The following TMEM67 variants were observed in gnomAD, a reference collection of about 807,000 sequenced individuals.
The protein encoded by TMEM67 is transmembrane protein 67, also known as meckelin.
Under a neutral mutation model 136.6 loss-of-function variants are expected in TMEM67, and 124 were observed. That is an observed-to-expected ratio of 0.91 (90% CI 0.78 to 1.05). TMEM67 has a LOEUF of 1.05. Ranked by LOEUF, TMEM67 falls within the 50% of genes least tolerant of loss-of-function variation. The probability of loss-of-function intolerance (pLI) is 0.00; values close to 1 mark genes in which losing one functional copy is unlikely to be tolerated. For missense variants in TMEM67, 1,107 were observed against 1,178.4 expected, an observed-to-expected ratio of 0.94 and a Z score of 0.89; for synonymous variants, 364 against 390.5, an observed-to-expected ratio of 0.93 and a Z score of 0.80.
In TMEM67 at chr8:93,809,765, GCTGT is replaced by G; in HGVS notation, c.2662-17_2662-14del. ...ATTTCACTACTGTTTGTGAAATGAT[GCTGT>G]CTTTTTCTTTATTAGGTTCATAAGG... On this transcript the variant is annotated splice_polypyrimidine_tract_variant and intron_variant, in intron 25 of 27. Coordinates refer to ENST00000453321, the MANE Select transcript of TMEM67 (RefSeq NM_153704.6). The G allele has an allele frequency of 1.5e-6, 2 of 1,350,260 alleles. No homozygotes were observed. Among genetic ancestry groups the G allele is most frequent in the South Asian group, 1.2e-5 (1 of 84,838 alleles). The allele number at this position is 1,350,260 out of a possible 1,614,324, so 83.6% of individuals were successfully genotyped here.
chr8:93,799,791 G>T, intron 21 of TMEM67, 33 bp downstream of exon 21: 1 of 1,568,348 alleles, frequency 6.4e-7, no homozygotes. Flanking sequence ...TTACTTCTAA[G>T]TAACATTGCT....
At chr8:93,805,118 G>T (rs1015944139) in intron 23 of TMEM67, among the ~76,000 whole-genome samples, 1 of 152,020 alleles carries the variant, frequency 6.6e-6, no homozygotes, top group Non-Finnish European at 1.5e-5. Flanking sequence ...GACTGCAGGC[G>T]CCTGCCACTA....
At chr8:93,810,029 C>A in intron 26 of TMEM67, 142 bp downstream of exon 26, 30 of 532,628 alleles carry the variant, frequency 5.6e-5, no homozygotes, top group Non-Finnish European at 8.6e-5. Flanking sequence ...AGTGCAGTGG[C>A]ACGATCTCAG....
chr8:93,801,351 C>CA (rs1814861058), intron 21 of TMEM67, among the ~76,000 whole-genome samples: 1 of 152,046 alleles, frequency 6.6e-6, no homozygotes, highest in Non-Finnish European at 1.5e-5. Flanking sequence ...CCTCCTGCCT[C>CA]AGCCTCCTGA....
chr8:93,767,683 A>G (rs1013626194), intron 6 of TMEM67, among the ~76,000 whole-genome samples: 13 of 146,458 alleles, frequency 8.9e-5, no homozygotes, highest in Non-Finnish European at 1.8e-4. Flanking sequence ...AAATTGTCCT[A>G]TATCTGGCCA....
At chr8:93,810,487 G>A (rs921621587) in intron 26 of TMEM67, among the ~76,000 whole-genome samples, 4 of 152,016 alleles carry the variant, frequency 2.6e-5, no homozygotes, top group African/African-American at 9.7e-5. Flanking sequence ...GGCTGAGGCA[G>A]GAGAATGGCT....
At chr8:93,823,583 G>T (rs558755319), downstream of TMEM67, among the ~76,000 whole-genome samples, 69 of 152,212 alleles carry the variant, frequency 4.5e-4, no homozygotes, top group Non-Finnish European at 9.0e-4. Flanking sequence ...AGCAGAAGCT[G>T]GCCAGGACTA....
chr8:93,826,404 G>C, the TMEM67 span, among the ~76,000 whole-genome samples: 252 of 152,102 alleles, frequency 1.7e-3, 1 homozygote, highest in Middle Eastern at 0.014. Context: ...GCTGGGATTA[G>C]TTAATCAGGC....
intron 20 of TMEM67, 51 bp downstream of exon 20, chr8:93,797,521 A>C (rs770668153): frequency 2.0e-6 from 3 of 1,532,636 alleles, no homozygotes; most frequent in Non-Finnish European, 2.7e-6. Flanking sequence ...CCTTATAAAT[A>C]TTAAACTAAT....
At chr8:93,758,345 T>A (rs1812674757) in intron 2 of TMEM67, 138 bp from the exon 3 acceptor site, 2 of 648,796 alleles carry the variant, frequency 3.1e-6, no homozygotes, top group East Asian at 2.8e-5. Flanking sequence ...CTCCAGGGAA[T>A]TTTTATGTGG....
Position 93,795,403 on chromosome 8 carries a change from T to C in TMEM67, c.1675-6T>C, listed in dbSNP as rs781015615. 3.7e-6 allele frequency: 6 copies of C among 1,612,930 alleles called. No homozygotes were observed. The South Asian group carries it at 6.6e-5, about 18-fold the overall frequency. ...AACAGCTGTAATTCTTTTTTTTAAA[T>C]TGCAGACAGTTGTGAAATTCTTGGT... is the stretch of plus-strand genomic sequence containing the variant. On this transcript the variant is annotated splice_region_variant and splice_polypyrimidine_tract_variant and intron_variant, in intron 16 of 27. Coordinates refer to ENST00000453321, the MANE Select transcript of TMEM67 (RefSeq NM_153704.6).
intron 7 of TMEM67, among the ~76,000 whole-genome samples, chr8:93,775,151 T>C (rs1813483991): frequency 6.6e-6 from 1 of 152,256 alleles, no homozygotes; most frequent in South Asian, 2.1e-4. Context: ...TGCATAAATG[T>C]CTTCTGTTGA....
chr8:93,760,958 A>C (rs1300556594), intron 3 of TMEM67, among the ~76,000 whole-genome samples: 1 of 152,218 alleles, frequency 6.6e-6, no homozygotes, highest in African/African-American at 2.4e-5. Flanking sequence ...TACTCAGAGT[A>C]AGAAAATGTA....
chr8:93,755,871 G>T lies in TMEM67; in HGVS notation c.312+5G>T. 2 of 1,524,452 alleles carry T rather than the reference G, an allele frequency of 1.3e-6. No individual in the cohort carries two copies. Among genetic ancestry groups the T allele is most frequent in the Non-Finnish European group, 1.8e-6 (2 of 1,108,188 alleles). The allele number at this position is 1,524,452 out of a possible 1,614,324, so 94.4% of individuals were successfully genotyped here. The stretch of plus-strand genomic sequence containing the variant: ...AAAAAGTGCCCAGAAAACATGGTGC[G>T]CATAATTTATTTTAAAATAACTTAC... On this transcript the variant is annotated splice_donor_5th_base_variant and intron_variant, in intron 2 of 27. Coordinates refer to ENST00000453321, the MANE Select transcript of TMEM67 (RefSeq NM_153704.6).
chr8:93,808,766 A>G, intron 23 of TMEM67, 74 bp from the exon 24 acceptor site: 1 of 900,442 alleles, frequency 1.1e-6, no homozygotes, highest in Non-Finnish European at 1.9e-6. Context: ...GCTAAAAAAA[A>G]GTTCTGTATT....
intron 16 of TMEM67, 54 bp from the exon 17 acceptor site, chr8:93,795,355 A>G (rs964482435): frequency 1.5e-6 from 2 of 1,374,210 alleles, no homozygotes; most frequent in African/African-American, 2.9e-5. Flanking sequence ...TGTTACTAAA[A>G]GTGGTATATA....
At chr8:93,777,646 C>T (rs1813613516) in intron 7 of TMEM67, among the ~76,000 whole-genome samples, 1 of 152,132 alleles carries the variant, frequency 6.6e-6, no homozygotes, top group African/African-American at 2.4e-5. Flanking sequence ...GTTCAGTTTC[C>T]ATGTCGTTGT....
intron 26 of TMEM67, among the ~76,000 whole-genome samples, chr8:93,810,977 A>G (rs112906122): frequency 7.0e-4 from 107 of 152,226 alleles, no homozygotes; most frequent in African/African-American, 2.5e-3. Context: ...CTGATAACCT[A>G]TTGTATGAGT....
chr8:93,826,086 C>T, the TMEM67 span, among the ~76,000 whole-genome samples: 2 of 144,714 alleles, frequency 1.4e-5, no homozygotes, highest in Non-Finnish European at 3.0e-5. Flanking sequence ...ATGATGTGTT[C>T]AGTAAGTCCT....
Sources: gnomAD v4.1 joint callset for allele counts (sites outside exome capture counted in the v4.1 genomes callset) on GRCh38, gnomAD v4.1.1 for gene constraint, MANE v1.5 for transcripts, NCBI Gene and HGNC (gene_info 2026-07-23, HGNC 2026-07-21) for gene names.